Variants in RNF212 observed in about 807,000 individuals in gnomAD.
RNF212 encodes ring finger protein 212, also known as probable E3 SUMO-protein ligase RNF212.
Under a neutral mutation model 34.7 loss-of-function variants are expected in RNF212, and 33 were observed. That is an observed-to-expected ratio of 0.95 (90% CI 0.72 to 1.27). The LOEUF (loss-of-function observed/expected upper bound fraction) is 1.27. Among genes scored for constraint, RNF212 ranks in the 50% most tolerant of loss-of-function variants. The pLI is 0.00. For missense variants in RNF212, 377 were observed against 362.2 expected (o/e 1.04, Z -0.33); for synonymous variants, 140 against 136.1 (o/e 1.03, Z -0.20).
rs1718566987 is a variant in RNF212 at position 1,072,197 on chromosome 4, G to A, written c.*677C>T. On this transcript the variant is annotated 3_prime_UTR_variant, in exon 10 of 10. Coordinates refer to ENST00000433731, the MANE Select transcript of RNF212 (RefSeq NM_001131034.4). The stretch of plus-strand genomic sequence containing the variant: ...ATACTGTACAATTCCAACTCCAGGA[G>A]AGTCTGAAAAAGGGACCGTAAAAAG... 1 of 152,274 alleles carries A rather than the reference G, an allele frequency of 6.6e-6. No individual in the cohort carries two copies. The highest frequency in any genetic ancestry group is 1.5e-5 in the Non-Finnish European group (1 of 68,126). 9.4% of individuals were successfully genotyped at this position (152,274 alleles called of 1,614,324 possible).
At chr4:1,103,636 G>T (rs949545272) in intron 2 of RNF212, among the ~76,000 whole-genome samples, 1 of 152,008 alleles carries the variant, frequency 6.6e-6, no homozygotes, top group African/African-American at 2.4e-5. Flanking sequence ...AAATAAATGA[G>T]AATAATTAAA....
At chr4:1,057,437 C>T (rs1717403346) in intron 4 of RNF212, among the ~76,000 whole-genome samples, 1 of 152,152 alleles carries the variant, frequency 6.6e-6, no homozygotes, top group Non-Finnish European at 1.5e-5. Context: ...AGTGGGAGGC[C>T]ACCCAGAGGT....
At chr4:1,087,503 TG>T (rs1407605080) in intron 4 of RNF212, among the ~76,000 whole-genome samples, 1 of 10,336 alleles carries the variant, frequency 9.7e-5, no homozygotes, top group East Asian at 3.4e-3. Flanking sequence ...GAACCAAGGT[TG>T]GGGGGTGACA....
intron 2 of RNF212, among the ~76,000 whole-genome samples, chr4:1,102,703 T>C (rs1477354996): frequency 9.4e-6 from 1 of 106,548 alleles, no homozygotes; most frequent in Non-Finnish European, 1.9e-5. Flanking sequence ...ATACAAAAAA[T>C]TAGCCGGGCG....
intron 2 of RNF212, 60 bp from the exon 3 acceptor site, chr4:1,096,899 G>T: frequency 8.0e-7 from 1 of 1,247,928 alleles, no homozygotes; most frequent in Non-Finnish European, 1.2e-6. Context: ...CTGGCCCCCA[G>T]TTAAAAACTG....
chr4:1,058,287 CGCAGTGAAGAAGGTGCTTGCG>C lies in RNF212; in HGVS notation n.220+13_220+33del. 3.9e-5 allele frequency: 27 copies of C among 687,316 alleles called. 3 individuals are homozygous for C. The highest frequency in any genetic ancestry group is 5.1e-4 in the Middle Eastern group (1 of 1,978). 42.6% of individuals were successfully genotyped at this position (687,316 alleles called of 1,614,324 possible). A position where few individuals can be genotyped will look rare whatever the true frequency, so the allele number is the denominator to read the frequency against. On this transcript the variant is annotated intron_variant and non_coding_transcript_variant, in intron 4 of 4. Coordinates refer to the RNF212 transcript ENST00000503206. ...AAGAAGGTGCTTGCGGGGGTTAGAA[CGCAGTGAAGAAGGTGCTTGCG>C]GGGGGGCACTACCTGAGAGGCTTTC...
chr4:1,102,839 G>A (rs952962184), intron 2 of RNF212, among the ~76,000 whole-genome samples: 1 of 150,952 alleles, frequency 6.6e-6, no homozygotes, highest in Non-Finnish European at 1.5e-5. Flanking sequence ...GCAACAGAGC[G>A]AGACTCCGTC....
At chr4:1,106,774 T>C (rs370207238) in intron 2 of RNF212, among the ~76,000 whole-genome samples, 3 of 152,364 alleles carry the variant, frequency 2.0e-5, no homozygotes, top group East Asian at 3.9e-4. Flanking sequence ...GCACTGAGCC[T>C]CTAAGCTGCC....
intron 8 of RNF212, among the ~76,000 whole-genome samples, chr4:1,079,047 G>C (rs1335977102): frequency 1.5e-5 from 2 of 129,334 alleles, no homozygotes; most frequent in Admixed American, 1.6e-4. Flanking sequence ...CCAACATAGA[G>C]TCAACACAGG....
chr4:1,085,758 A>G, intron 5 of RNF212, 138 bp downstream of exon 5: 1 of 692,386 alleles, frequency 1.4e-6, no homozygotes, highest in South Asian at 1.6e-5. Flanking sequence ...TGCTCTGATG[A>G]AAGTTTCTGG....
At chr4:1,074,747 T>C (rs1341105927) in intron 8 of RNF212, among the ~76,000 whole-genome samples, 1 of 152,144 alleles carries the variant, frequency 6.6e-6, no homozygotes, top group Non-Finnish European at 1.5e-5. Context: ...ACCTCACTCC[T>C]ACCCCCAAGA....
At chr4:1,100,201 C>T (rs201591785) in intron 2 of RNF212, 6 of 303,192 alleles carry the variant, frequency 2.0e-5, no homozygotes, top group Admixed American at 1.9e-4. Context: ...ACTGCTTTCC[C>T]GTGATACTTC....
chr4:1,081,682 C>T (rs1720376323), intron 5 of RNF212, 63 bp from the exon 6 acceptor site: 1 of 1,165,176 alleles, frequency 8.6e-7, no homozygotes, highest in South Asian at 1.3e-5. Context: ...CCAGGTCATC[C>T]CAACTGAAAG....
intron 2 of RNF212, chr4:1,107,240 A>G (rs1380629607): frequency 6.6e-6 from 1 of 151,486 alleles, no homozygotes; most frequent in Non-Finnish European, 1.5e-5. Flanking sequence ...TTTAGTAGAG[A>G]CGGGGTTTTA....
At chr4:1,082,743 C>A (rs1345951537) in intron 5 of RNF212, among the ~76,000 whole-genome samples, 5 of 152,198 alleles carry the variant, frequency 3.3e-5, no homozygotes, top group African/African-American at 4.8e-5. Context: ...TTGGCTTACT[C>A]CGAATTGCCA....
At chr4:1,079,839 G>C in intron 7 of RNF212, 151 bp from the exon 8 acceptor site, 1 of 669,688 alleles carries the variant, frequency 1.5e-6, no homozygotes, top group Non-Finnish European at 2.7e-6. Flanking sequence ...TTAGGCATCT[G>C]ATCACTGCCA....
chr4:1,093,540 A>AGGCTGGAG, intron 3 of RNF212: 1 of 1,383,486 alleles, frequency 7.2e-7, no homozygotes, highest in South Asian at 1.3e-5. Context: ...AGAGCCTGTG[A>AGGCTGGAG]CCTCCACGGC....
At chr4:1,066,336 TTC>T (rs1470302573) in intron 3 of RNF212, among the ~76,000 whole-genome samples, 3 of 152,210 alleles carry the variant, frequency 2.0e-5, no homozygotes, top group Admixed American at 6.5e-5. Flanking sequence ...CCCTCCGCTT[TTC>T]TTTTTTCTGA....
At chr4:1,103,510 A>G (rs1203928341) in intron 2 of RNF212, among the ~76,000 whole-genome samples, 1 of 152,256 alleles carries the variant, frequency 6.6e-6, no homozygotes, top group Non-Finnish European at 1.5e-5. Flanking sequence ...AAATAGTAGC[A>G]AACTGAATTT....
Sources: allele counts gnomAD v4.1 joint callset (sites outside exome capture counted in the v4.1 genomes callset), GRCh38; gene constraint gnomAD v4.1.1; transcripts MANE v1.5; gene names NCBI Gene and HGNC (gene_info 2026-07-23, HGNC 2026-07-21).